The following ADAM22 variants were observed in gnomAD, a reference collection of about 807,000 sequenced individuals.
The protein encoded by ADAM22 is disintegrin and metalloproteinase domain-containing protein 22.
ADAM22 carries 65 observed loss-of-function variants against 144.6 expected under a neutral mutation model. The observed-to-expected ratio is 0.45, with a 90% CI of 0.37 to 0.55. ADAM22 has a LOEUF of 0.55. Among genes scored for constraint, ADAM22 ranks in the 20% least tolerant of loss-of-function variants. The probability of loss-of-function intolerance (pLI) is 0.00; values close to 1 mark genes in which losing one functional copy is unlikely to be tolerated. For missense variants in ADAM22, 974 were observed against 1,184.9 expected (o/e 0.82, Z 2.61); for synonymous variants, 391 against 412.6 (o/e 0.95, Z 0.63).
At position 88,125,662 on chromosome 7, in the gene ADAM22, A is replaced by G; in HGVS notation, c.678+3A>G. The G allele has an allele frequency of 5.0e-6, 8 of 1,589,740 alleles. No individual in the cohort carries two copies. The highest frequency in any genetic ancestry group is 6.8e-6 in the Non-Finnish European group (8 of 1,169,374). On this transcript the variant is annotated splice_donor_region_variant and intron_variant, in intron 8 of 31. Transcript: ENST00000413139. ...GACCAAAAAGGAGTAAACGGCAGGT[A>G]TGTATTCACAGTGGTGTGTCGTGTT... is the stretch of plus-strand genomic sequence containing the variant.
chr7:88,169,628 T>G (rs1843782124), intron 25 of ADAM22, among the ~76,000 whole-genome samples: 1 of 152,102 alleles, frequency 6.6e-6, no homozygotes, highest in Non-Finnish European at 1.5e-5. Context: ...CCTATGGGCC[T>G]CTTTGGTGTG....
chr7:88,133,134 G>A (rs1194630129), intron 12 of ADAM22, among the ~76,000 whole-genome samples, 183 bp downstream of exon 12: 2 of 152,028 alleles, frequency 1.3e-5, no homozygotes, highest in Non-Finnish European at 2.9e-5. Context: ...AGGCTGAGGT[G>A]GACAAATTGC....
chr7:88,047,901 A>G (rs78829061), intron 3 of ADAM22, among the ~76,000 whole-genome samples: 3,508 of 152,222 alleles, frequency 0.023, 139 homozygotes, highest in African/African-American at 0.08. Flanking sequence ...ATTCACATAT[A>G]CATATATATA....
At chr7:88,105,198 A>C (rs1824029964) in intron 4 of ADAM22, among the ~76,000 whole-genome samples, 1 of 152,082 alleles carries the variant, frequency 6.6e-6, no homozygotes, top group African/African-American at 2.4e-5. Context: ...TGATACCATA[A>C]TTCTCGAGAA....
chr7:88,119,110 T>G (rs999176971), intron 7 of ADAM22, among the ~76,000 whole-genome samples: 6 of 152,206 alleles, frequency 3.9e-5, no homozygotes, highest in Admixed American at 3.9e-4. Context: ...TTACATGGCA[T>G]GTACCTGTCT....
At chr7:87,945,470 G>A (rs1843462580) in intron 2 of ADAM22, among the ~76,000 whole-genome samples, 1 of 151,658 alleles carries the variant, frequency 6.6e-6, no homozygotes, top group Non-Finnish European at 1.5e-5. Flanking sequence ...TTACAAATTT[G>A]CCAGTATGCT....
chr7:88,170,799 C>T (rs1249479853), intron 25 of ADAM22, among the ~76,000 whole-genome samples: 1 of 151,936 alleles, frequency 6.6e-6, no homozygotes, highest in Non-Finnish European at 1.5e-5. Context: ...TTAATTATGT[C>T]AAGATAGAAA....
chr7:88,034,130 C>T (rs772425055), intron 3 of ADAM22, among the ~76,000 whole-genome samples: 4 of 152,146 alleles, frequency 2.6e-5, no homozygotes, highest in African/African-American at 9.7e-5. Flanking sequence ...CTCCTTGTGG[C>T]CACCATAGCT....
intron 6 of ADAM22, among the ~76,000 whole-genome samples, chr7:88,115,462 G>A (rs1329081201): frequency 6.6e-6 from 1 of 152,128 alleles, no homozygotes; most frequent in Non-Finnish European, 1.5e-5. Flanking sequence ...GTTGACATCT[G>A]GTGAGGGCTC....
chr7:88,076,228 G>C (rs1247639716), intron 4 of ADAM22, among the ~76,000 whole-genome samples: 1 of 151,972 alleles, frequency 6.6e-6, no homozygotes, highest in Admixed American at 6.6e-5. Context: ...AGTGGACAGG[G>C]GGTTTCACCA....
At chr7:88,135,729 GT>G in intron 13 of ADAM22, among the ~76,000 whole-genome samples, 1 of 152,158 alleles carries the variant, frequency 6.6e-6, no homozygotes, top group South Asian at 2.1e-4. Context: ...TAAATAAATG[GT>G]TTAAATATGG....
intron 3 of ADAM22, among the ~76,000 whole-genome samples, chr7:88,057,336 C>T (rs903907633): frequency 4.6e-5 from 7 of 152,276 alleles, no homozygotes; most frequent in African/African-American, 1.7e-4. Context: ...AACAGCTCTT[C>T]AGGATCATCT....
At chr7:88,170,987 T>C (rs1375010929) in intron 25 of ADAM22, among the ~76,000 whole-genome samples, 1 of 151,900 alleles carries the variant, frequency 6.6e-6, no homozygotes, top group East Asian at 1.9e-4. Context: ...AGCGAGTAAG[T>C]AGTAATCACT....
At chr7:88,145,378 C>T (rs756432152) in intron 16 of ADAM22, 37 bp from the exon 17 acceptor site, 59 of 1,557,668 alleles carry the variant, frequency 3.8e-5, no homozygotes, top group East Asian at 6.7e-5. Flanking sequence ...AAAGTGACAC[C>T]GTTTTCTGAT....
intron 4 of ADAM22, among the ~76,000 whole-genome samples, chr7:88,082,667 A>C (rs1817112237): frequency 6.6e-6 from 1 of 152,242 alleles, no homozygotes; most frequent in African/African-American, 2.4e-5. Flanking sequence ...CCCATCAAAA[A>C]GTTTGCAAAG....
intron 16 of ADAM22, 98 bp from the exon 17 acceptor site, chr7:88,145,317 A>C: frequency 6.7e-7 from 1 of 1,491,872 alleles, no homozygotes; most frequent in East Asian, 2.3e-5. Context: ...TGGAAGAAAA[A>C]TTATTGTGAG....
At chr7:88,190,144 T>A (rs1849289730) in intron 30 of ADAM22, among the ~76,000 whole-genome samples, 2 of 152,216 alleles carry the variant, frequency 1.3e-5, no homozygotes, top group Admixed American at 1.3e-4. Flanking sequence ...GGAAGTTTGA[T>A]GTAGCCCCAA....
At position 88,066,507 on chromosome 7, in the gene ADAM22, G is replaced by A. The variant is rs548266444; in HGVS notation, c.324-9119G>A. Among the ~76,000 whole-genome samples the A allele has an allele frequency of 2.0e-5, 3 of 152,248 alleles. No homozygotes were observed. In the East Asian group the frequency reaches 5.8e-4, roughly 29 times the overall value. On this transcript the variant is annotated intron_variant, in intron 3 of 31. Coordinates refer to ENST00000413139, the MANE Select transcript of ADAM22 (RefSeq NM_001324418.2). The stretch of plus-strand genomic sequence containing the variant: ...GATGCTTATTTAATAAGTAAGAGAT[G>A]TTGAGTATATAGTTGGATATATGAT...
chr7:88,137,843 A>T (rs1833402205), intron 14 of ADAM22, among the ~76,000 whole-genome samples: 1 of 152,184 alleles, frequency 6.6e-6, no homozygotes, highest in African/African-American at 2.4e-5. Flanking sequence ...GGAAATATAT[A>T]TGCAAACATC....
Sources: gnomAD v4.1 joint callset for allele counts (sites outside exome capture counted in the v4.1 genomes callset) on GRCh38, gnomAD v4.1.1 for gene constraint, MANE v1.5 for transcripts, NCBI Gene and HGNC (gene_info 2026-07-23, HGNC 2026-07-21) for gene names.